DCC: variants seen among roughly 807,000 people sequenced by gnomAD.
The protein encoded by DCC is DCC netrin 1 receptor.
Under a neutral mutation model 172.5 loss-of-function variants are expected in DCC, and 58 were observed. The observed-to-expected ratio is 0.34, with a 90% confidence interval of 0.27 to 0.42. The LOEUF (loss-of-function observed/expected upper bound fraction) is 0.42, where lower values mean the gene tolerates loss of function less well. DCC is among the 10% of genes least tolerant of loss of function. The pLI is 1.00. For synonymous variants in DCC, 709 were observed against 644.5 expected, an observed-to-expected ratio of 1.10 and a Z score of -1.52; for missense variants, 1,740 against 1,791.0, an observed-to-expected ratio of 0.97 and a Z score of 0.51.
At chr18:53,357,772 C>T (rs554002475) in intron 15 of DCC, among the ~76,000 whole-genome samples, 6 of 152,110 alleles carry the variant, frequency 3.9e-5, no homozygotes, top group Non-Finnish European at 7.4e-5. Flanking sequence ...TTACTGAGAG[C>T]ATTTATGTAC....
At chr18:53,105,318 A>G (rs2043229318) in intron 7 of DCC, among the ~76,000 whole-genome samples, 2 of 152,078 alleles carry the variant, frequency 1.3e-5, no homozygotes, top group Middle Eastern at 3.4e-3. Flanking sequence ...TCTTGTTGGC[A>G]ACTGAAAATG....
chr18:53,343,446 G>T (rs1427125854), intron 15 of DCC, among the ~76,000 whole-genome samples: 1 of 151,494 alleles, frequency 6.6e-6, no homozygotes, highest in African/African-American at 2.4e-5. Context: ...AAAATACGGT[G>T]AATTACATTG....
chr18:52,614,461 T>A (rs541684733), intron 1 of DCC, among the ~76,000 whole-genome samples: 434 of 152,288 alleles, frequency 2.8e-3, no homozygotes, highest in Non-Finnish European at 4.3e-3. Flanking sequence ...AAATATTAGG[T>A]TGGTACAAAA....
chr18:53,355,192 T>C (rs1394474167), intron 15 of DCC, among the ~76,000 whole-genome samples: 1 of 152,130 alleles, frequency 6.6e-6, no homozygotes, highest in Non-Finnish European at 1.5e-5. Context: ...GTAGTATAGT[T>C]TGAAGTCAGG....
At position 52,649,723 on chromosome 18, in the gene DCC, C is replaced by T. The variant is rs192919651; in HGVS notation, c.92-102331C>T. On this transcript the variant is annotated intron_variant, in intron 1 of 28. Transcript: ENST00000442544. ...TCCTCCAATTCTATCCATGTTGCCA[C>T]AAAAAGACATGATTTCATTTTTTTA... Among the ~76,000 whole-genome samples, 6 of 152,200 alleles carry T rather than the reference C, an allele frequency of 3.9e-5. No individual in the cohort carries two copies. In the East Asian group the frequency reaches 1.2e-3, roughly 29 times the overall value.
intron 1 of DCC, among the ~76,000 whole-genome samples, chr18:52,569,138 A>G (rs144980220): frequency 6.6e-6 from 1 of 152,302 alleles, no homozygotes; most frequent in Non-Finnish European, 1.5e-5. Context: ...ATTGCCAGCT[A>G]CATAGCCGTC....
At position 53,501,598 on chromosome 18, in the gene DCC, A is replaced by C. The variant is rs575841094; in HGVS notation, c.4111+2088A>C. 1.3e-4 allele frequency among the ~76,000 whole-genome samples: 20 copies of C among 152,354 alleles called. No homozygotes were observed. In the East Asian group the frequency reaches 3.1e-3, roughly 24 times the overall value. ...TAACTATTCTATAGTAAAGAGGACC[A>C]ATTTGGTAGCAACAAAAAGTAAAGT... On this transcript the variant is annotated intron_variant, in intron 27 of 28. Coordinates refer to ENST00000442544, the MANE Select transcript of DCC (RefSeq NM_005215.4).
At chr18:52,500,287 G>C (rs2030968335) in intron 1 of DCC, among the ~76,000 whole-genome samples, 1 of 152,084 alleles carries the variant, frequency 6.6e-6, no homozygotes, top group South Asian at 2.1e-4. Flanking sequence ...AAGGACGCGT[G>C]TAAAGGATTC....
intron 12 of DCC, among the ~76,000 whole-genome samples, chr18:53,238,313 T>C (rs2056234595): frequency 6.6e-6 from 1 of 152,222 alleles, no homozygotes; most frequent in South Asian, 2.1e-4. Context: ...TTATTGATGA[T>C]AGATGTTACA....
rs1002764369 is a variant in DCC at position 52,387,590 on chromosome 18, C to A, written c.91+46712C>A. Among the ~76,000 whole-genome samples the A allele has an allele frequency of 2.4e-5, 3 of 126,900 alleles. No homozygotes were observed. The South Asian group carries it at 9.4e-4, about 40-fold the overall frequency. 83.3% of individuals were successfully genotyped at this position (126,900 alleles called of 152,430 possible). A position where few individuals can be genotyped will look rare whatever the true frequency, so the allele number is the denominator to read the frequency against. Reference sequence around the variant, plus strand: ...TGTTTTGTTTCTTCCTTCCTTCCTTCCTTCCTTCCTTCCTTCCTTCCTTCC... The same window carrying A: ...TGTTTTGTTTCTTCCTTCCTTCCTTACTTCCTTCCTTCCTTCCTTCCTTCC... On this transcript the variant is annotated intron_variant, in intron 1 of 28. Transcript: ENST00000442544.
chr18:53,288,843 C>A lies in DCC; in HGVS notation c.1912-16735C>A, dbSNP rs192595443. Among the ~76,000 whole-genome samples, 701 of 152,224 alleles carry A rather than the reference C, an allele frequency of 4.6e-3. 1 individual carries two copies. The highest frequency in any genetic ancestry group is 7.5e-3 in the Non-Finnish European group (507 of 67,992). On this transcript the variant is annotated intron_variant, in intron 12 of 28. Coordinates refer to ENST00000442544, the MANE Select transcript of DCC (RefSeq NM_005215.4). ...GTGGAGAATAGACTTGCTCTTTCTG[C>A]ATGTATAAATAAAATTGGTACAGTA... is the stretch of plus-strand genomic sequence containing the variant.
intron 1 of DCC, among the ~76,000 whole-genome samples, chr18:52,710,301 T>C (rs1406064024): frequency 6.6e-6 from 1 of 152,264 alleles, no homozygotes; most frequent in African/African-American, 2.4e-5. Flanking sequence ...AATATACTCA[T>C]GATGAGCTGC....
At chr18:52,588,392 G>T (rs2033724481) in intron 1 of DCC, among the ~76,000 whole-genome samples, 1 of 152,148 alleles carries the variant, frequency 6.6e-6, no homozygotes. Context: ...CAGCCTTTCA[G>T]GTCACTTGAT....
chr18:53,297,150 CACTT>C (rs1382111922), intron 12 of DCC, among the ~76,000 whole-genome samples: 2 of 152,118 alleles, frequency 1.3e-5, no homozygotes, highest in African/African-American at 4.8e-5. Flanking sequence ...CCTGTTTCCT[CACTT>C]ACTACTCTTG....
At chr18:52,854,511 G>A (rs1263223116) in intron 2 of DCC, among the ~76,000 whole-genome samples, 1 of 152,096 alleles carries the variant, frequency 6.6e-6, no homozygotes, top group Non-Finnish European at 1.5e-5. Flanking sequence ...CTCTCTCCAT[G>A]TTTTCCTCTT....
At chr18:53,120,446 A>G (rs1389133647) in intron 7 of DCC, among the ~76,000 whole-genome samples, 3 of 151,810 alleles carry the variant, frequency 2.0e-5, no homozygotes, top group Non-Finnish European at 4.4e-5. Flanking sequence ...TTTACCACAT[A>G]TAGGAATCAA....
chr18:52,856,970 G>C (rs2039066222), intron 2 of DCC, among the ~76,000 whole-genome samples: 1 of 152,048 alleles, frequency 6.6e-6, no homozygotes, highest in Non-Finnish European at 1.5e-5. Context: ...CTATGAGTGT[G>C]GGTCTCAGCT....
chr18:53,401,326 A>C (rs1909278550), intron 18 of DCC, among the ~76,000 whole-genome samples: 1 of 151,974 alleles, frequency 6.6e-6, no homozygotes, highest in Non-Finnish European at 1.5e-5. Context: ...TTCTCCATCC[A>C]TCCCTTCTTC....
intron 7 of DCC, among the ~76,000 whole-genome samples, chr18:53,074,332 G>A (rs73957018): frequency 0.13 from 19,352 of 152,138 alleles, 1,367 homozygotes; most frequent in African/African-American, 0.17. Flanking sequence ...AGAGATGCTC[G>A]TTAACACTAC....
Sources: gnomAD v4.1 joint callset for allele counts (sites outside exome capture counted in the v4.1 genomes callset) on GRCh38, gnomAD v4.1.1 for gene constraint, MANE v1.5 for transcripts, NCBI Gene and HGNC (gene_info 2026-07-23, HGNC 2026-07-21) for gene names.